Variants in ANKMY1 observed in about 807,000 individuals in gnomAD.
ANKMY1 encodes the protein ankyrin repeat and MYND domain-containing protein 1.
Under a neutral mutation model 102.0 loss-of-function variants are expected in ANKMY1, and 98 were observed. That is an observed-to-expected ratio of 0.96 (90% CI 0.82 to 1.14). The LOEUF (loss-of-function observed/expected upper bound fraction) is 1.14, where lower values mean the gene tolerates loss of function less well. ANKMY1 is among the 50% of genes most tolerant of loss of function. The pLI is 0.00. For missense variants in ANKMY1, 1,330 were observed against 1,347.6 expected, an observed-to-expected ratio of 0.99 and a Z score of 0.20; for synonymous variants, 582 against 559.9, an observed-to-expected ratio of 1.04 and a Z score of -0.56.
chr2:240,474,359 G>A, the ANKMY1 span, among the ~76,000 whole-genome samples: 35 of 147,082 alleles, frequency 2.4e-4, no homozygotes, highest in African/African-American at 4.3e-4. Flanking sequence ...CACCCGCCTC[G>A]GCCTCCCAAA....
intron 12 of ANKMY1, 107 bp from the exon 13 acceptor site, chr2:240,507,798 G>A (rs1559277873): frequency 1.5e-6 from 2 of 1,360,778 alleles, no homozygotes; most frequent in Non-Finnish European, 1.9e-6. Flanking sequence ...GAAAGCAGGG[G>A]CTTCACGGAG....
chr2:240,475,329 A>C (rs2074783191), downstream of ANKMY1, among the ~76,000 whole-genome samples: 1 of 152,180 alleles, frequency 6.6e-6, no homozygotes, highest in Admixed American at 6.5e-5. Flanking sequence ...CAATATCAAC[A>C]TACAAAAATT....
At chr2:240,478,910 G>A (rs185378915), downstream of ANKMY1, among the ~76,000 whole-genome samples, 694 of 152,052 alleles carry the variant, frequency 4.6e-3, 6 homozygotes, top group African/African-American at 0.016. Flanking sequence ...CCTTGTCTCC[G>A]GGGATGCTGT....
At chr2:240,481,894 C>G (rs929382279) in intron 16 of ANKMY1, among the ~76,000 whole-genome samples, 3 of 152,190 alleles carry the variant, frequency 2.0e-5, no homozygotes, top group Non-Finnish European at 4.4e-5. Context: ...GGTGGCCACC[C>G]TCCTGCAGGA....
intron 5 of ANKMY1, 188 bp from the exon 6 acceptor site, chr2:240,526,633 C>G: frequency 1.4e-6 from 2 of 1,444,276 alleles, no homozygotes; most frequent in East Asian, 2.5e-5. Context: ...AGGTTGCACA[C>G]GGTGGTGCAG....
rs868729883 is a variant in ANKMY1 at position 240,528,303 on chromosome 2, C to A, written c.953+734G>T. ...TCTGTGCCTGCCCCCACCCCCCCCCCAAAAAAATTAAACACTTCTCCTTAG... is the reference window on the plus strand; with the variant it reads ...TCTGTGCCTGCCCCCACCCCCCCCCAAAAAAAATTAAACACTTCTCCTTAG... On this transcript the variant is annotated intron_variant, in intron 5 of 17. Transcript: ENST00000401804. Among the ~76,000 whole-genome samples, 257 of 142,064 alleles carry A rather than the reference C, an allele frequency of 1.8e-3. 1 individual carries two copies. The highest frequency in any genetic ancestry group is 6.5e-3 in the South Asian group (27 of 4,126). 93.2% of individuals were successfully genotyped at this position (142,064 alleles called of 152,430 possible). A position where few individuals can be genotyped will look rare whatever the true frequency, so the allele number is the denominator to read the frequency against.
At position 240,514,655 on chromosome 2, in the gene ANKMY1, G is replaced by C. The variant is rs138242177; in HGVS notation, c.2005-1713C>G. 1.2e-3 allele frequency among the ~76,000 whole-genome samples: 183 copies of C among 152,356 alleles called. 2 individuals are homozygous for C. In the East Asian group the frequency reaches 0.02, roughly 17 times the overall value. ...CGAGGATGTCCAATGACACTCTGCAGAGAGCACAGAAGGAATCCAAGAGGA... is the reference window on the plus strand; with the variant it reads ...CGAGGATGTCCAATGACACTCTGCACAGAGCACAGAAGGAATCCAAGAGGA... On this transcript the variant is annotated intron_variant, in intron 9 of 17. Coordinates refer to ENST00000401804, the MANE Select transcript of ANKMY1 (RefSeq NM_001282771.3).
rs1430195199 is a variant in ANKMY1 at position 240,507,930 on chromosome 2, C to A, written c.2395-239G>T. On this transcript the variant is annotated intron_variant, in intron 12 of 17. Transcript: ENST00000401804. ...CTGGTCTGTTAGGGAGGAGCTGGAA[C>A]TCCACCCAGGTGGGCCAGTTCCAGC... is the stretch of plus-strand genomic sequence containing the variant. The A allele has an allele frequency of 7.5e-6, 3 of 401,250 alleles. No individual in the cohort carries two copies. The South Asian group carries it at 2.0e-4, about 26-fold the overall frequency. 24.9% of individuals were successfully genotyped at this position (401,250 alleles called of 1,614,324 possible). A position where few individuals can be genotyped will look rare whatever the true frequency, so the allele number is the denominator to read the frequency against.
chr2:240,555,353 C>T (rs971498764), intron 2 of ANKMY1: 5 of 407,312 alleles, frequency 1.2e-5, no homozygotes, highest in Non-Finnish European at 2.3e-5. Context: ...CTGGCGGCAT[C>T]TCCTGAGATC....
At chr2:240,541,361 T>C (rs2088742258) in intron 4 of ANKMY1, among the ~76,000 whole-genome samples, 2 of 146,656 alleles carry the variant, frequency 1.4e-5, no homozygotes, top group African/African-American at 4.9e-5. Flanking sequence ...GGTGATTGTT[T>C]GTGTGTGTGT....
the ANKMY1 span, among the ~76,000 whole-genome samples, chr2:240,469,129 C>A: frequency 6.6e-6 from 1 of 152,204 alleles, no homozygotes; most frequent in African/African-American, 2.4e-5. Flanking sequence ...TTTGGTCCAG[C>A]CGGCAGGATC....
Position 240,526,411 on chromosome 2 carries a change from C to T in ANKMY1, c.988G>A (p.Ala330Thr), listed in dbSNP as rs373523989. Reference protein sequence around the residue: ...KPAHTSWNMGAILEGKRSGFA... With the variant: ...KPAHTSWNMGTILEGKRSGFA... Reference sequence around the variant, plus strand: ...CCACTGCGCTTCCCCTCCAGGATGGCGCCCATGTTCCAGCTGGTGTGAGCT... The same window carrying T: ...CCACTGCGCTTCCCCTCCAGGATGGTGCCCATGTTCCAGCTGGTGTGAGCT... Residue 330 changes from alanine (A) to threonine (T), a missense_variant, in exon 6 of 18, where the codon GCC (alanine) becomes ACC (threonine). Ala to Thr is a moderately conservative substitution (Grantham distance 58). Transcript: ENST00000401804. 2.7e-5 allele frequency: 43 copies of T among 1,614,098 alleles called. No individual in the cohort carries two copies. The Middle Eastern group carries it at 4.9e-4, about 19-fold the overall frequency.
chr2:240,498,186 TG>T (rs1012692307), intron 15 of ANKMY1, among the ~76,000 whole-genome samples: 2 of 132,300 alleles, frequency 1.5e-5, no homozygotes, highest in Non-Finnish European at 3.2e-5. Flanking sequence ...ATGTTTGTGT[TG>T]GGGGGGGACA....
chr2:240,524,421 G>T, intron 7 of ANKMY1, 40 bp from the exon 8 acceptor site: 2 of 1,560,140 alleles, frequency 1.3e-6, no homozygotes, highest in East Asian at 4.5e-5. Context: ...GAATAAATTG[G>T]AGTGATAACC....
At chr2:240,543,887 C>T (rs1429077681) in intron 4 of ANKMY1, among the ~76,000 whole-genome samples, 1 of 152,156 alleles carries the variant, frequency 6.6e-6, no homozygotes, top group Non-Finnish European at 1.5e-5. Flanking sequence ...CTGTTCTCAT[C>T]TATAAAATGC....
the ANKMY1 span, among the ~76,000 whole-genome samples, chr2:240,470,723 G>A: frequency 6.6e-6 from 1 of 152,152 alleles, no homozygotes; most frequent in Non-Finnish European, 1.5e-5. Flanking sequence ...AGGAAACACT[G>A]GGAAATGTTG....
chr2:240,520,268 C>A lies in ANKMY1; in HGVS notation c.2004+94G>T. 2 of 1,490,126 alleles carry A rather than the reference C, an allele frequency of 1.3e-6. No individual in the cohort carries two copies. The highest frequency in any genetic ancestry group is 1.8e-6 in the Non-Finnish European group (2 of 1,108,278). 92.3% of individuals were successfully genotyped at this position (1,490,126 alleles called of 1,614,324 possible). A position where few individuals can be genotyped will look rare whatever the true frequency, so the allele number is the denominator to read the frequency against. ...GGTGGTCGCCTGCAAGAGCCCACCCCTCTCTTCCGCGCCTAGGTGGAGCGA... is the reference window on the plus strand; with the variant it reads ...GGTGGTCGCCTGCAAGAGCCCACCCATCTCTTCCGCGCCTAGGTGGAGCGA... On this transcript the variant is annotated intron_variant, in intron 9 of 17. Coordinates refer to ENST00000401804, the MANE Select transcript of ANKMY1 (RefSeq NM_001282771.3). This position sits in a 1 kb window ranked among gnomAD's most constrained non-coding sequence, Gnocchi z 4.8.
At chr2:240,485,230 A>T (rs932785845) in intron 15 of ANKMY1, among the ~76,000 whole-genome samples, 1 of 151,552 alleles carries the variant, frequency 6.6e-6, no homozygotes, top group Non-Finnish European at 1.5e-5. Context: ...CGGGAGGCTG[A>T]GGCAGGGGAA....
downstream of ANKMY1, among the ~76,000 whole-genome samples, chr2:240,478,720 G>A (rs13005412): frequency 0.66 from 96,915 of 147,382 alleles, 31,744 homozygotes; most frequent in East Asian, 0.83. Flanking sequence ...GGCGAGACCA[G>A]GAAAGTCAGT....
Sources: allele counts gnomAD v4.1 joint callset (sites outside exome capture counted in the v4.1 genomes callset), GRCh38; gene constraint gnomAD v4.1.1; non-coding constraint Gnocchi (gnomAD v3.1); transcripts MANE v1.5; gene names NCBI Gene and HGNC (gene_info 2026-07-23, HGNC 2026-07-21).